MME: variants seen among roughly 807,000 people sequenced by gnomAD.
The protein encoded by MME is membrane metalloendopeptidase, also known as neprilysin.
Under a neutral mutation model 113.2 loss-of-function variants are expected in MME, and 98 were observed. That is an observed-to-expected ratio of 0.87 (90% CI 0.74 to 1.02). The LOEUF is 1.02. MME is among the 50% of genes least tolerant of loss of function. The pLI is 0.00. For synonymous variants in MME, 292 were observed against 300.6 expected (o/e 0.97, Z 0.30); for missense variants, 836 against 896.0 (o/e 0.93, Z 0.86).
upstream of MME, chr3:155,079,580 A>G (rs1714925158): frequency 8.3e-6 from 1 of 120,926 alleles, no homozygotes; most frequent in Non-Finnish European, 1.6e-5. Context: ...CAGGTCACCC[A>G]GGGAACTGCT....
chr3:155,159,180 A>G (rs1044867299), intron 16 of MME, among the ~76,000 whole-genome samples: 2 of 152,100 alleles, frequency 1.3e-5, no homozygotes, highest in African/African-American at 4.8e-5. Context: ...AGTTACTGAC[A>G]TTGTAACTAA....
At chr3:155,167,381 T>C (rs1309446481) in intron 18 of MME, among the ~76,000 whole-genome samples, 2 of 152,100 alleles carry the variant, frequency 1.3e-5, no homozygotes, top group African/African-American at 2.4e-5. Flanking sequence ...TAAAATCAGA[T>C]GTAAAATCAG....
chr3:155,115,973 G>A (rs1718566983), intron 4 of MME, among the ~76,000 whole-genome samples: 2 of 152,018 alleles, frequency 1.3e-5, no homozygotes, highest in Admixed American at 1.3e-4. Flanking sequence ...TTATTTTGTA[G>A]AAGAACAATT....
rs1420770414 is a variant in MME at position 155,180,920 on chromosome 3, T to C, written c.*461T>C. 3.5e-5 allele frequency: 6 copies of C among 173,480 alleles called. No homozygotes were observed. The East Asian group carries it at 8.8e-4, about 25-fold the overall frequency. 10.7% of individuals were successfully genotyped at this position (173,480 alleles called of 1,614,324 possible). A position where few individuals can be genotyped will look rare whatever the true frequency, so the allele number is the denominator to read the frequency against. ...TAGTTTTTACTTTTATTTGCAACATTTACAGTCCTTCAAAATCCTTCCAAA... is the reference window on the plus strand; with the variant it reads ...TAGTTTTTACTTTTATTTGCAACATCTACAGTCCTTCAAAATCCTTCCAAA... On this transcript the variant is annotated 3_prime_UTR_variant, in exon 23 of 23. Transcript: ENST00000360490.
At chr3:155,086,396 T>C (rs1715729260) in intron 3 of MME, among the ~76,000 whole-genome samples, 1 of 152,132 alleles carries the variant, frequency 6.6e-6, no homozygotes. Flanking sequence ...TTTAAGAAGC[T>C]GGAATTTGGA....
intron 9 of MME, 39 bp from the exon 10 acceptor site, chr3:155,140,152 T>G (rs781258559): frequency 1.4e-6 from 2 of 1,432,092 alleles, no homozygotes; most frequent in African/African-American, 2.9e-5. Context: ...TCTAAAGAAT[T>G]CTTAATTCTA....
intron 10 of MME, 149 bp downstream of exon 10, chr3:155,140,441 G>C: frequency 3.8e-6 from 2 of 520,144 alleles, no homozygotes; most frequent in South Asian, 2.0e-5. Flanking sequence ...TTTTGAGACA[G>C]GGTCTCACTC....
intron 3 of MME, among the ~76,000 whole-genome samples, chr3:155,095,778 A>G (rs1183515229): frequency 6.6e-6 from 1 of 152,146 alleles, no homozygotes; most frequent in Non-Finnish European, 1.5e-5. Context: ...CCGTCAGGAA[A>G]ATGAAAACCT....
rs1181593401 is a variant in MME at position 155,115,817 on chromosome 3, T to C, written c.358+662T>C. Among the ~76,000 whole-genome samples the C allele has an allele frequency of 3.3e-5, 5 of 152,280 alleles. No individual in the cohort carries two copies. The East Asian group carries it at 9.7e-4, about 29-fold the overall frequency. ...CTGTAGTCTCCCTACCCAAACCCTGTGTTAAAGTTACTGTAAGATGTTACT... is the reference window on the plus strand; with the variant it reads ...CTGTAGTCTCCCTACCCAAACCCTGCGTTAAAGTTACTGTAAGATGTTACT... On this transcript the variant is annotated intron_variant, in intron 4 of 22. Transcript: ENST00000360490.
intron 16 of MME, among the ~76,000 whole-genome samples, chr3:155,151,031 C>T (rs567041322): frequency 5.9e-5 from 9 of 152,076 alleles, no homozygotes; most frequent in Non-Finnish European, 7.4e-5. Flanking sequence ...CCTGTAATCG[C>T]GCCACTGCAG....
intron 9 of MME, among the ~76,000 whole-genome samples, chr3:155,139,147 A>T (rs571401126): frequency 6.6e-6 from 1 of 152,116 alleles, no homozygotes; most frequent in South Asian, 2.1e-4. Context: ...AATGGGTTAC[A>T]TGTGGTTCTG....
chr3:155,125,444 C>CTTTTTTTT (rs1165027340), intron 8 of MME, among the ~76,000 whole-genome samples: 6 of 65,332 alleles, frequency 9.2e-5, no homozygotes, highest in Non-Finnish European at 1.4e-4. Flanking sequence ...GCTCCTCCTC[C>CTTTTTTTT]TTTTTTTTTT....
intron 1 of MME, among the ~76,000 whole-genome samples, chr3:155,064,054 G>A (rs1053950397): frequency 7.2e-5 from 11 of 152,062 alleles, no homozygotes; most frequent in Non-Finnish European, 1.3e-4. Context: ...ACTTTGGGAG[G>A]CCGAGGTGAG....
chr3:155,167,656 T>C (rs146071167), intron 18 of MME, among the ~76,000 whole-genome samples: 14 of 152,240 alleles, frequency 9.2e-5, no homozygotes, highest in Admixed American at 2.6e-4. Context: ...AGAGAGAAAA[T>C]ACTTAATCCC....
intron 16 of MME, among the ~76,000 whole-genome samples, chr3:155,151,029 C>CG (rs1721884635): frequency 6.6e-6 from 1 of 151,976 alleles, no homozygotes; most frequent in South Asian, 2.1e-4. Flanking sequence ...GGCCTGTAAT[C>CG]GCGCCACTGC....
intron 14 of MME, 145 bp from the exon 15 acceptor site, chr3:155,146,999 G>A (rs1331403748): frequency 4.7e-6 from 3 of 640,340 alleles, no homozygotes; most frequent in African/African-American, 1.8e-5. Context: ...AAGAGCCATT[G>A]CAAAGATCTC....
chr3:155,151,061 C>A (rs1343693144), intron 16 of MME, among the ~76,000 whole-genome samples: 1 of 151,858 alleles, frequency 6.6e-6, no homozygotes, highest in Non-Finnish European at 1.5e-5. Context: ...GGCGACAGAG[C>A]AAGAATCCGT....
At chr3:155,157,528 C>G (rs1213386926) in intron 16 of MME, among the ~76,000 whole-genome samples, 1 of 152,134 alleles carries the variant, frequency 6.6e-6, no homozygotes, top group Non-Finnish European at 1.5e-5. Flanking sequence ...AAAGAACTTA[C>G]AGTTTTTGTT....
chr3:155,126,481 G>T (rs770520130), intron 8 of MME, among the ~76,000 whole-genome samples: 6 of 151,810 alleles, frequency 4.0e-5, no homozygotes, highest in Non-Finnish European at 8.8e-5. Flanking sequence ...TCTCAAACAG[G>T]TCACAAACTG....
Sources: gnomAD v4.1 joint callset for allele counts (sites outside exome capture counted in the v4.1 genomes callset) on GRCh38, gnomAD v4.1.1 for gene constraint, MANE v1.5 for transcripts, NCBI Gene and HGNC (gene_info 2026-07-23, HGNC 2026-07-21) for gene names.